CFAP74: variants seen among roughly 807,000 people sequenced by gnomAD.
CFAP74 encodes the protein cilia and flagella associated protein 74.
In CFAP74, 124 loss-of-function variants were observed where a neutral mutation model predicts 188.9. That is an observed-to-expected ratio of 0.66 (90% CI 0.57 to 0.76). The LOEUF (loss-of-function observed/expected upper bound fraction) is 0.76. Ranked by LOEUF, CFAP74 falls within the 30% of genes least tolerant of loss-of-function variation. The pLI is 0.00. For synonymous variants in CFAP74, 956 were observed against 916.7 expected (o/e 1.04, Z -0.77); for missense variants, 2,198 against 2,165.2 (o/e 1.02, Z -0.30).
In CFAP74 at chr1:1,954,928, C is replaced by A. The variant is rs1241712174; in HGVS notation, c.2176+763G>T. ...GAACGGCCTTCGCAACAGTGTGTAC[C>A]ACGAACGCTCCCAAGTGTGCACTGG... On this transcript the variant is annotated intron_variant, in intron 18 of 38. Transcript: ENST00000682832. 2.5e-6 allele frequency: 3 copies of A among 1,193,744 alleles called. No individual in the cohort carries two copies. The East Asian group carries it at 1.8e-4, about 70-fold the overall frequency. The allele number at this position is 1,193,744 out of a possible 1,614,324, so 73.9% of individuals were successfully genotyped here. A position where few individuals can be genotyped will look rare whatever the true frequency, so the allele number is the denominator to read the frequency against.
At chr1:1,967,381 G>A (rs1490322432) in intron 11 of CFAP74, among the ~76,000 whole-genome samples, 1 of 150,158 alleles carries the variant, frequency 6.7e-6, no homozygotes, top group Non-Finnish European at 1.5e-5. Flanking sequence ...TGCTGTTACT[G>A]TGACCTGTAT....
chr1:1,952,264 A>T, intron 18 of CFAP74, among the ~76,000 whole-genome samples: 1 of 152,078 alleles, frequency 6.6e-6, no homozygotes, highest in East Asian at 1.9e-4. Context: ...AGGTGTTTCC[A>T]GTTCTGAGGC....
At chr1:1,979,581 GCAGAACATGCGTGTGGTAC>G (rs1656690199) in intron 6 of CFAP74, among the ~76,000 whole-genome samples, 6 of 80,190 alleles carry the variant, frequency 7.5e-5, no homozygotes, top group Admixed American at 2.4e-4. Flanking sequence ...ACGAGGCTGC[GCAGAACATGCGTGTGGTAC>G]TGAGCTGGGT....
chr1:1,927,771 G>A (rs777651216), intron 27 of CFAP74, 25 bp from the exon 28 acceptor site: 1 of 1,544,920 alleles, frequency 6.5e-7, no homozygotes, highest in Admixed American at 2.0e-5. Flanking sequence ...ACTGGCTGTG[G>A]GGCTGTGCAG....
At chr1:1,948,225 G>A (rs977484492) in intron 18 of CFAP74, among the ~76,000 whole-genome samples, 7 of 151,950 alleles carry the variant, frequency 4.6e-5, no homozygotes, top group African/African-American at 1.2e-4. Flanking sequence ...GAGTCACCAC[G>A]GCAACAAGAA....
intron 6 of CFAP74, among the ~76,000 whole-genome samples, chr1:1,982,416 G>A (rs558133097): frequency 7.6e-4 from 116 of 152,298 alleles, no homozygotes; most frequent in African/African-American, 2.6e-3. Context: ...AGGACACCCC[G>A]CCAGGGACAG....
chr1:1,928,950 A>T, intron 26 of CFAP74, 68 bp from the exon 27 acceptor site: 1 of 1,096,686 alleles, frequency 9.1e-7, no homozygotes, highest in Non-Finnish European at 1.3e-6. Flanking sequence ...CCCTGCGGGC[A>T]CTCTACCGTC....
chr1:1,959,040 T>G, intron 16 of CFAP74, 80 bp downstream of exon 16: 8 of 869,202 alleles, frequency 9.2e-6, no homozygotes, highest in Admixed American at 2.0e-5. Flanking sequence ...CTGCACCCCC[T>G]CCCAGGAGAT....
chr1:1,982,467 T>C (rs1258068990), intron 6 of CFAP74, among the ~76,000 whole-genome samples: 2 of 152,252 alleles, frequency 1.3e-5, no homozygotes, highest in African/African-American at 4.8e-5. Context: ...TGCCTCAGGC[T>C]GTGCCCAGGA....
At chr1:1,982,889 C>A (rs924392773) in intron 6 of CFAP74, among the ~76,000 whole-genome samples, 7 of 152,238 alleles carry the variant, frequency 4.6e-5, no homozygotes, top group Admixed American at 3.3e-4. Context: ...GCAGGCAGAG[C>A]TGCGTGCGTT....
At chr1:1,998,663 A>G (rs1658043424) in intron 1 of CFAP74, among the ~76,000 whole-genome samples, 1 of 152,152 alleles carries the variant, frequency 6.6e-6, no homozygotes, top group Non-Finnish European at 1.5e-5. Context: ...TCGTGAGGTC[A>G]GGAGATCAAG....
intron 18 of CFAP74, chr1:1,954,749 C>G: frequency 9.5e-7 from 1 of 1,055,990 alleles, no homozygotes; most frequent in Non-Finnish European, 1.2e-6. Flanking sequence ...CACCACTGCA[C>G]TCCAGCCTAG....
chr1:1,926,990 C>G lies in CFAP74; in HGVS notation c.3566G>C (p.Arg1189Thr). 1.3e-6 allele frequency: 2 copies of G among 1,550,272 alleles called. No individual in the cohort carries two copies. The highest frequency in any genetic ancestry group is 1.7e-6 in the Non-Finnish European group (2 of 1,146,888). Residue 1189 changes from arginine (R) to threonine (T), a missense_variant, in exon 29 of 39, where the codon AGA (arginine) becomes ACA (threonine). Transcript: ENST00000682832. Reference protein sequence around the residue: ...EYQAARATLLRAFQAKFDTFV... With the variant: ...EYQAARATLLTAFQAKFDTFV... ...TGTGTCAAACTTCGCCTGGAACGCTCTGAGCAGGGTGGCTCGGGCGGCCTG... is the reference window on the plus strand; with the variant it reads ...TGTGTCAAACTTCGCCTGGAACGCTGTGAGCAGGGTGGCTCGGGCGGCCTG...
chr1:1,999,798 C>G (rs1371152006), intron 1 of CFAP74, among the ~76,000 whole-genome samples: 1 of 151,908 alleles, frequency 6.6e-6, no homozygotes, highest in African/African-American at 2.4e-5. Flanking sequence ...GCTTAGGCGA[C>G]AGAGCAAGAC....
rs375671147 is a variant in CFAP74 at position 1,963,767 on chromosome 1, C to T, written c.1676G>A (p.Arg559Gln). The T allele has an allele frequency of 1.8e-5, 29 of 1,612,174 alleles. No homozygotes were observed. Among genetic ancestry groups the T allele is most frequent in the East Asian group, 2.2e-5 (1 of 44,870 alleles). The change falls in exon 14 of 39, where the codon CGG becomes CAG. Residue 559 changes from arginine to glutamine, a missense_variant. By Grantham distance (43) the Arg-to-Gln change is conservative. Transcript: ENST00000682832. Reference sequence around the variant, plus strand: ...CTCTTACTCAACGTGGATGAAGTCCCGGAGGTGCTCCTCCACGCCCACCAG... The same window carrying T: ...CTCTTACTCAACGTGGATGAAGTCCTGGAGGTGCTCCTCCACGCCCACCAG... ...CKLVGVEEHL[R>Q]DFIHVDFDPP...
chr1:2,003,658 C>T (rs954162014), intron 1 of CFAP74, 43 bp downstream of exon 1: 1 of 152,096 alleles, frequency 6.6e-6, no homozygotes, highest in African/African-American at 2.4e-5. Context: ...TCAAACCCTT[C>T]CAGCTCAGCC....
chr1:1,954,586 C>G, intron 18 of CFAP74: 1 of 164,158 alleles, frequency 6.1e-6, no homozygotes, highest in Non-Finnish European at 1.3e-5. Flanking sequence ...AGTTCCACAC[C>G]AGCCTGGGAA....
rs115409901 is a variant in CFAP74, at chr1:1,958,732, C to T, written c.1851+388G>A. Among the ~76,000 whole-genome samples, 1,151 of 152,250 alleles carry T rather than the reference C, an allele frequency of 7.6e-3. 23 individuals are homozygous for T. Among genetic ancestry groups the T allele is most frequent in the African/African-American group, 0.025 (1,049 of 41,508 alleles). ...AGGATGCGGGGTCCGGGTTGCAGCG[C>T]GTGGAGCCTTGTTCTGCTGTTCTGT... On this transcript the variant is annotated intron_variant, in intron 16 of 38. Coordinates refer to ENST00000682832, the MANE Select transcript of CFAP74 (RefSeq NM_001304360.2).
chr1:1,981,513 AGACATGGGGG>A, intron 6 of CFAP74, among the ~76,000 whole-genome samples: 2 of 109,696 alleles, frequency 1.8e-5, no homozygotes, highest in African/African-American at 7.6e-5. Flanking sequence ...AACCACGGAC[AGACATGGGGG>A]CACGCAGGAC....
Sources: allele counts gnomAD v4.1 joint callset (sites outside exome capture counted in the v4.1 genomes callset), GRCh38; gene constraint gnomAD v4.1.1; transcripts MANE v1.5; gene names NCBI Gene and HGNC (gene_info 2026-07-23, HGNC 2026-07-21).